The following FAM169A variants were observed in gnomAD, a reference collection of about 807,000 sequenced individuals.
The protein encoded by FAM169A is soluble lamin-associated protein of 75 kDa.
FAM169A carries 24 observed loss-of-function variants against 75.7 expected under a neutral mutation model. That is an observed-to-expected ratio of 0.32 (90% CI 0.23 to 0.45). The LOEUF is 0.45. FAM169A is among the 20% of genes least tolerant of loss of function. The pLI, the probability that FAM169A is intolerant of heterozygous loss-of-function variation, is 1.00. For missense variants in FAM169A, 673 were observed against 784.0 expected (o/e 0.86, Z 1.69); for synonymous variants, 271 against 271.0 (o/e 1.00, Z 0.00).
intron 11 of FAM169A, among the ~76,000 whole-genome samples, chr5:74,794,111 G>A (rs768038630): frequency 6.6e-6 from 1 of 151,342 alleles, no homozygotes; most frequent in Non-Finnish European, 1.5e-5. Context: ...GGGAGGCCGA[G>A]AGGAGCGGAT....
At chr5:74,845,681 A>C (rs1749118814) in intron 1 of FAM169A, among the ~76,000 whole-genome samples, 1 of 152,206 alleles carries the variant, frequency 6.6e-6, no homozygotes, top group Admixed American at 6.5e-5. Context: ...TAAATGTCTA[A>C]ATTAAAGAGA....
chr5:74,853,489 G>C (rs1044275007), intron 1 of FAM169A, among the ~76,000 whole-genome samples: 1 of 152,088 alleles, frequency 6.6e-6, no homozygotes, highest in Non-Finnish European at 1.5e-5. Flanking sequence ...TCTGAGCCTA[G>C]GCAATCTGTC....
At chr5:74,830,349 C>G (rs560581887) in intron 5 of FAM169A, among the ~76,000 whole-genome samples, 2 of 152,262 alleles carry the variant, frequency 1.3e-5, no homozygotes, top group South Asian at 4.1e-4. Flanking sequence ...TAGTCATGAT[C>G]TGTTGCTACA....
chr5:74,803,809 C>T (rs10515199), intron 8 of FAM169A, among the ~76,000 whole-genome samples: 22,241 of 152,144 alleles, frequency 0.15, 1,874 homozygotes, highest in African/African-American at 0.23. Flanking sequence ...GCATATACAG[C>T]CTCAAACTTT....
At chr5:74,824,129 T>G (rs1747898325) in intron 5 of FAM169A, among the ~76,000 whole-genome samples, 1 of 152,186 alleles carries the variant, frequency 6.6e-6, no homozygotes, top group South Asian at 2.1e-4. Context: ...ATACACTTCC[T>G]GGTATTGGTC....
At chr5:74,791,547 G>T (rs1291475260) in intron 11 of FAM169A, among the ~76,000 whole-genome samples, 1 of 152,192 alleles carries the variant, frequency 6.6e-6, no homozygotes, top group Admixed American at 6.5e-5. Context: ...TAAGGAGGGA[G>T]TTACAGTGTT....
At chr5:74,848,984 G>T (rs1266699543) in intron 1 of FAM169A, 1 of 152,036 alleles carries the variant, frequency 6.6e-6, no homozygotes, top group Non-Finnish European at 1.5e-5. Flanking sequence ...AAACCAAAAG[G>T]CCTAACTAGA....
rs376583217 is a variant in FAM169A at position 74,805,271 on chromosome 5, G to A, written c.684C>T (p.Tyr228=). The change falls in exon 7 of 13, where the codon TAC becomes TAT. Residue 228 remains tyrosine (Y), a synonymous_variant. Transcript: ENST00000687041. ...CATGGTCTCCTGGATACTTCTCAAA[G>A]TATTGCTTGCAAGCTGAAAAACACA... ...SSLMYTACKQ[Y]FEKYPGDHEL... The A allele has an allele frequency of 6.2e-7, 1 of 1,611,128 alleles. No homozygotes were observed. The highest frequency in any genetic ancestry group is 1.7e-5 in the Admixed American group (1 of 59,358).
Position 74,808,440 on chromosome 5 carries a change from C to T in FAM169A, c.671-3156G>A, listed in dbSNP as rs531573238. Among the ~76,000 whole-genome samples the T allele has an allele frequency of 2.0e-5, 3 of 152,026 alleles. No homozygotes were observed. In the South Asian group the frequency reaches 6.2e-4, roughly 32 times the overall value. On this transcript the variant is annotated intron_variant, in intron 6 of 12. Coordinates refer to ENST00000687041, the MANE Select transcript of FAM169A (RefSeq NM_001376049.1). Reference sequence around the variant, plus strand: ...GCTAGCATGGGCAAATTCATAGGGACAGAAAGCAGAAAACAGGTTACCTAC... The same window carrying T: ...GCTAGCATGGGCAAATTCATAGGGATAGAAAGCAGAAAACAGGTTACCTAC...
chr5:74,841,215 G>T (rs1341814220), intron 2 of FAM169A, among the ~76,000 whole-genome samples: 4 of 152,126 alleles, frequency 2.6e-5, no homozygotes, highest in South Asian at 2.1e-4. Flanking sequence ...TTAGTGTTTT[G>T]CTGATTTTTT....
At chr5:74,845,908 T>C (rs1030866518) in intron 1 of FAM169A, among the ~76,000 whole-genome samples, 4 of 152,222 alleles carry the variant, frequency 2.6e-5, no homozygotes, top group Non-Finnish European at 5.9e-5. Context: ...AAATTCTATA[T>C]GTAAAAGCAA....
intron 5 of FAM169A, among the ~76,000 whole-genome samples, chr5:74,823,238 C>A (rs916978185): frequency 6.6e-6 from 1 of 152,160 alleles, no homozygotes; most frequent in African/African-American, 2.4e-5. Context: ...TTGTTAGTCC[C>A]ACCACCTTAT....
chr5:74,794,021 G>A (rs1458028408), intron 11 of FAM169A, among the ~76,000 whole-genome samples: 54 of 138,574 alleles, frequency 3.9e-4, no homozygotes, highest in Admixed American at 7.2e-4. Context: ...AAAAAAAAAA[G>A]AAATATTACA....
intron 11 of FAM169A, among the ~76,000 whole-genome samples, chr5:74,784,746 G>A (rs1387725151): frequency 4.0e-5 from 6 of 148,994 alleles, no homozygotes; most frequent in East Asian, 2.0e-4. Context: ...GTGAAACTCC[G>A]TCTCTACTAA....
At chr5:74,838,904 T>C in intron 4 of FAM169A, 61 bp downstream of exon 4, 1 of 1,151,950 alleles carries the variant, frequency 8.7e-7, no homozygotes, top group Admixed American at 1.7e-5. Flanking sequence ...CTATCACTGT[T>C]TACAGGAAAC....
chr5:74,832,951 C>T (rs576416145), intron 5 of FAM169A, among the ~76,000 whole-genome samples: 50 of 151,984 alleles, frequency 3.3e-4, no homozygotes, highest in African/African-American at 1.2e-3. Context: ...AAACTCAATG[C>T]TATAAAATAG....
chr5:74,819,738 C>T (rs1358544019), intron 5 of FAM169A, among the ~76,000 whole-genome samples: 1 of 152,142 alleles, frequency 6.6e-6, no homozygotes, highest in African/African-American at 2.4e-5. Flanking sequence ...GAATAAGGTG[C>T]TGATACATGC....
chr5:74,832,583 GTA>G (rs1198783277), intron 5 of FAM169A, among the ~76,000 whole-genome samples: 3 of 149,504 alleles, frequency 2.0e-5, no homozygotes, highest in Non-Finnish European at 4.4e-5. Context: ...ATACATATCA[GTA>G]TATATATGAA....
At chr5:74,849,973 A>T (rs1354463411) in intron 1 of FAM169A, among the ~76,000 whole-genome samples, 2 of 152,236 alleles carry the variant, frequency 1.3e-5, no homozygotes, top group African/African-American at 2.4e-5. Context: ...GTAATAGAGC[A>T]GGAAGTTGAA....
Sources: gnomAD v4.1 joint callset for allele counts (sites outside exome capture counted in the v4.1 genomes callset) on GRCh38, gnomAD v4.1.1 for gene constraint, MANE v1.5 for transcripts, NCBI Gene and HGNC (gene_info 2026-07-23, HGNC 2026-07-21) for gene names.